Variants in SCCPDH observed in about 807,000 individuals in gnomAD.
The protein encoded by SCCPDH is saccharopine dehydrogenase (putative).
Under a neutral mutation model 51.5 loss-of-function variants are expected in SCCPDH, and 34 were observed. That is an observed-to-expected ratio of 0.66 (90% CI 0.50 to 0.88). The LOEUF (loss-of-function observed/expected upper bound fraction) is 0.88. Ranked by LOEUF, SCCPDH falls within the 40% of genes least tolerant of loss-of-function variation. The probability of loss-of-function intolerance (pLI) is 0.00; values close to 1 mark genes in which losing one functional copy is unlikely to be tolerated. For synonymous variants in SCCPDH, 187 were observed against 191.3 expected, an observed-to-expected ratio of 0.98 and a Z score of 0.19; for missense variants, 464 against 527.1, an observed-to-expected ratio of 0.88 and a Z score of 1.17.
intron 6 of SCCPDH, 28 bp downstream of exon 6, chr1:246,758,384 T>C (rs997623307): frequency 1.3e-6 from 2 of 1,558,478 alleles, no homozygotes; most frequent in Admixed American, 3.6e-5. Flanking sequence ...CCATTTTTTA[T>C]ATATCTAGTC....
chr1:246,747,159 T>C (rs1668773402), intron 5 of SCCPDH, among the ~76,000 whole-genome samples: 1 of 152,166 alleles, frequency 6.6e-6, no homozygotes, highest in Non-Finnish European at 1.5e-5. Context: ...TCTCCCTTTT[T>C]GTCTCTTTCT....
At chr1:246,766,905 C>T (rs1669093060) in intron 11 of SCCPDH, among the ~76,000 whole-genome samples, 1 of 152,200 alleles carries the variant, frequency 6.6e-6, no homozygotes, top group African/African-American at 2.4e-5. Context: ...TAAACAGCAG[C>T]GGTTCTTCGG....
intron 4 of SCCPDH, among the ~76,000 whole-genome samples, chr1:246,743,630 G>T (rs188133673): frequency 6.6e-6 from 1 of 151,986 alleles, no homozygotes; most frequent in Admixed American, 6.5e-5. Context: ...CCAAAATGCT[G>T]GGATTATAGG....
chr1:246,760,741 G>T (rs1170334575), intron 9 of SCCPDH, among the ~76,000 whole-genome samples: 2 of 152,130 alleles, frequency 1.3e-5, no homozygotes, highest in African/African-American at 4.8e-5. Context: ...CAGGCCTTGG[G>T]TCATTAGCTT....
In SCCPDH at chr1:246,759,017, A is replaced by G. The variant is rs1668973561; in HGVS notation, c.696-17A>G. The G allele has an allele frequency of 7.5e-7, 1 of 1,331,700 alleles. No individual in the cohort carries two copies. Among genetic ancestry groups the G allele is most frequent in the Non-Finnish European group, 1.1e-6 (1 of 923,270 alleles). The allele number at this position is 1,331,700 out of a possible 1,614,324, so 82.5% of individuals were successfully genotyped here. A position where few individuals can be genotyped will look rare whatever the true frequency, so the allele number is the denominator to read the frequency against. ...TAATTGCAGGAAATGCAAAATATTCATAGGTCTGTCTTGCAGGTGGCCAAT... is the reference window on the plus strand; with the variant it reads ...TAATTGCAGGAAATGCAAAATATTCGTAGGTCTGTCTTGCAGGTGGCCAAT... On this transcript the variant is annotated splice_polypyrimidine_tract_variant and intron_variant, in intron 6 of 11. Coordinates refer to ENST00000366510, the MANE Select transcript of SCCPDH (RefSeq NM_016002.3).
At chr1:246,738,991 ATG>A (rs1173951722) in intron 3 of SCCPDH, among the ~76,000 whole-genome samples, 1 of 151,728 alleles carries the variant, frequency 6.6e-6, no homozygotes, top group Non-Finnish European at 1.5e-5. Context: ...ATGTGTTTGT[ATG>A]TGTGTGACTA....
chr1:246,748,693 C>T (rs1321864460), intron 5 of SCCPDH, among the ~76,000 whole-genome samples: 1 of 152,190 alleles, frequency 6.6e-6, no homozygotes, highest in African/African-American at 2.4e-5. Flanking sequence ...TTAAATTCAT[C>T]TGGTTCTCCT....
At chr1:246,759,173 A>G (rs377235568) in intron 7 of SCCPDH, 22 bp downstream of exon 7, 59 of 1,222,102 alleles carry the variant, frequency 4.8e-5, no homozygotes, top group Middle Eastern at 1.9e-4. Flanking sequence ...TGGTTTATTT[A>G]TCAATAAAGT....
intron 2 of SCCPDH, 74 bp downstream of exon 2, chr1:246,727,078 A>G (rs1471544502): frequency 4.2e-6 from 5 of 1,188,440 alleles, no homozygotes; most frequent in Non-Finnish European, 6.2e-6. Context: ...AGAGGAACAT[A>G]AGGACAGAGG....
At chr1:246,728,385 C>T (rs1158196869) in intron 2 of SCCPDH, among the ~76,000 whole-genome samples, 1 of 152,174 alleles carries the variant, frequency 6.6e-6, no homozygotes, top group East Asian at 1.9e-4. Flanking sequence ...TCATCTATCT[C>T]CCTTGCCTTT....
At chr1:246,732,332 GA>G (rs1440063734) in intron 2 of SCCPDH, among the ~76,000 whole-genome samples, 1 of 152,028 alleles carries the variant, frequency 6.6e-6, no homozygotes. Flanking sequence ...ATAATTTTAG[GA>G]AACTGAATTG....
At chr1:246,729,643 T>C (rs1310544108) in intron 2 of SCCPDH, among the ~76,000 whole-genome samples, 1 of 152,182 alleles carries the variant, frequency 6.6e-6, no homozygotes, top group Admixed American at 6.5e-5. Flanking sequence ...TTACAGTTTG[T>C]ACGGATAACT....
chr1:246,765,148 G>C (rs1334291826), intron 10 of SCCPDH, among the ~76,000 whole-genome samples: 3 of 91,954 alleles, frequency 3.3e-5, no homozygotes, highest in Admixed American at 2.3e-4. Context: ...CTTGTGAACT[G>C]TGGTATAATT....
At position 246,760,054 on chromosome 1, in the gene SCCPDH, T is replaced by C. The variant is rs1668987377; in HGVS notation, c.911T>C (p.Ile304Thr). 1 of 1,612,980 alleles carries C rather than the reference T, an allele frequency of 6.2e-7. No individual in the cohort carries two copies. The highest frequency in any genetic ancestry group is 8.5e-7 in the Non-Finnish European group (1 of 1,179,500). ...LFFLFFVRFG[I>T]GRQLLIKFPW... ...TTTTTGTTCTTTGTGAGGTTTGGAA[T>C]TGGAAGGCAACTTCTCATAAAAGTA... is the stretch of plus-strand genomic sequence containing the variant. Residue 304 changes from isoleucine to threonine, a missense_variant, in exon 8 of 12, where the codon ATT becomes ACT. Transcript: ENST00000366510.
intron 5 of SCCPDH, among the ~76,000 whole-genome samples, chr1:246,752,449 A>G (rs1416261638): frequency 6.6e-6 from 1 of 152,142 alleles, no homozygotes; most frequent in Non-Finnish European, 1.5e-5. Context: ...AGTATGACCC[A>G]TCTGGCTTCT....
rs184883681 is a variant in SCCPDH, at chr1:246,757,173, G to A, written c.565-1053G>A. Among the ~76,000 whole-genome samples the A allele has an allele frequency of 3.9e-3, 598 of 152,050 alleles. 5 individuals are homozygous for A. Among genetic ancestry groups the A allele is most frequent in the African/African-American group, 0.014 (575 of 41,462 alleles). ...AGCCTGGCCAACATGGTGAAACCCC[G>A]TCTTTACTAAAAATACAAAAATTAG... is the stretch of plus-strand genomic sequence containing the variant. On this transcript the variant is annotated intron_variant, in intron 5 of 11. Transcript: ENST00000366510.
chr1:246,761,997 A>G (rs1286643716), intron 9 of SCCPDH, among the ~76,000 whole-genome samples: 2 of 152,168 alleles, frequency 1.3e-5, no homozygotes, highest in Non-Finnish European at 2.9e-5. Flanking sequence ...GCACCGTTTT[A>G]CCTTCCCACA....
rs200548648 is a variant in SCCPDH, at chr1:246,759,915, T to A, written c.814-42T>A. The A allele has an allele frequency of 3.3e-4, 523 of 1,584,130 alleles. 9 individuals are homozygous for A. The highest frequency in any genetic ancestry group is 2.7e-3 in the South Asian group (228 of 84,480). ...ACTAACATTCTTACTTGGTCCAAAA[T>A]GTAGGGAGTAATGTTCTAACTTTGT... is the stretch of plus-strand genomic sequence containing the variant. On this transcript the variant is annotated intron_variant, in intron 7 of 11. Transcript: ENST00000366510.
chr1:246,742,278 T>G (rs943622019), intron 4 of SCCPDH, among the ~76,000 whole-genome samples: 7 of 152,260 alleles, frequency 4.6e-5, no homozygotes, highest in Non-Finnish European at 1.0e-4. Context: ...AGAAGTTTTC[T>G]TCATGATAAT....
Sources: allele counts gnomAD v4.1 joint callset (sites outside exome capture counted in the v4.1 genomes callset), GRCh38; gene constraint gnomAD v4.1.1; transcripts MANE v1.5; gene names NCBI Gene and HGNC (gene_info 2026-07-23, HGNC 2026-07-21).